The following DPP9 variants were observed in gnomAD, a reference collection of about 807,000 sequenced individuals.
DPP9 encodes dipeptidyl peptidase 9.
In DPP9, 50 loss-of-function variants were observed where a neutral mutation model predicts 110.7. The observed-to-expected ratio is 0.45, with a 90% CI of 0.36 to 0.57. The LOEUF is 0.57. Ranked by LOEUF, DPP9 falls within the 20% of genes least tolerant of loss-of-function variation. The pLI, the probability that DPP9 is intolerant of heterozygous loss-of-function variation, is 0.00. For missense variants in DPP9, 1,022 were observed against 1,217.9 expected (o/e 0.84, Z 2.39); for synonymous variants, 561 against 514.4 (o/e 1.09, Z -1.23).
rs2145784541 is a variant in DPP9, at chr19:4,705,930, AGAGT to A, written c.350_353del (p.Tyr117LeufsTer40). 1 of 1,611,444 alleles carries A rather than the reference AGAGT, an allele frequency of 6.2e-7. No individual in the cohort carries two copies. The highest frequency in any genetic ancestry group is 1.3e-5 in the African/African-American group (1 of 74,998). ...CTTTCCGGACCTTCTTGGGAATCTC[AGAGT>A]AGAGGAGGGAGTTCTCTCGGCTGCC... is the stretch of plus-strand genomic sequence containing the variant. On this transcript the variant is annotated frameshift_variant, in exon 5 of 22. Coordinates refer to ENST00000262960, the MANE Select transcript of DPP9 (RefSeq NM_139159.5). LOFTEE classifies it high-confidence loss of function.
intron 21 of DPP9, chr19:4,679,452 A>T (rs1027118333): frequency 1.7e-5 from 4 of 236,244 alleles, no homozygotes; most frequent in African/African-American, 9.2e-5. Flanking sequence ...GCGCCTTAGG[A>T]AGGAGCCTGC....
Position 4,684,032 on chromosome 19 carries a change from A to C in DPP9, c.2179-403T>G, listed in dbSNP as rs78543650. ...TGTCACTACCAGCCACATCCCCACC[A>C]CCGCCACTGCCACGATTTCAATGCT... is the stretch of plus-strand genomic sequence containing the variant. On this transcript the variant is annotated intron_variant, in intron 18 of 21. Coordinates refer to ENST00000262960, the MANE Select transcript of DPP9 (RefSeq NM_139159.5). The surrounding 1 kb of genome is among the most constrained non-coding windows in gnomAD (Gnocchi z 4.8). 1 of 371,204 alleles carries C rather than the reference A, an allele frequency of 2.7e-6. No homozygotes were observed. The highest frequency in any genetic ancestry group is 5.2e-6 in the Non-Finnish European group (1 of 191,580). The allele number at this position is 371,204 out of a possible 1,614,324, so 23.0% of individuals were successfully genotyped here.
Position 4,718,945 on chromosome 19 carries a change from C to T in DPP9, c.56+906G>A, listed in dbSNP as rs1365609631. Reference sequence around the variant, plus strand: ...TTTCATCTCGTGCCAGGCCCTGAGACATGGAGTTTACTGACTGCCCCGGGG... The same window carrying T: ...TTTCATCTCGTGCCAGGCCCTGAGATATGGAGTTTACTGACTGCCCCGGGG... On this transcript the variant is annotated intron_variant, in intron 3 of 21. Transcript: ENST00000262960. This position sits in a 1 kb window ranked among gnomAD's most constrained non-coding sequence, Gnocchi z 4.3. Among the ~76,000 whole-genome samples the T allele has an allele frequency of 6.6e-6, 1 of 152,122 alleles. No homozygotes were observed. The highest frequency in any genetic ancestry group is 6.6e-5 in the Admixed American group (1 of 15,262).
intron 13 of DPP9, among the ~76,000 whole-genome samples, chr19:4,692,279 T>G (rs974081246): frequency 2.6e-5 from 4 of 152,058 alleles, no homozygotes; most frequent in Non-Finnish European, 5.9e-5. Context: ...AGAAACACAC[T>G]GAGATGGTTT....
In DPP9 at chr19:4,704,241, C is replaced by T. The variant is rs1293666786; in HGVS notation, c.490G>A (p.Gly164Arg). 1.2e-6 allele frequency: 2 copies of T among 1,613,984 alleles called. No individual in the cohort carries two copies. The highest frequency in any genetic ancestry group is 3.3e-5 in the Admixed American group (2 of 60,030). The change falls in exon 6 of 22, where the codon GGG (glycine) becomes AGG (arginine). Residue 164 changes from glycine to arginine, a missense_variant. Gly to Arg is a moderately radical substitution (Grantham distance 125, BLOSUM62 -2). Transcript: ENST00000262960. The surrounding 1 kb of genome is among the most constrained non-coding windows in gnomAD (Gnocchi z 6.0). ...TCGTAGGAGGTGATGCCGAAGACCCCCAGGCGTTTCCGCTCCCTCAGCAGC... is the reference window on the plus strand; with the variant it reads ...TCGTAGGAGGTGATGCCGAAGACCCTCAGGCGTTTCCGCTCCCTCAGCAGC... The part of the protein sequence containing the change: ...EELLRERKRL[G>R]VFGITSYDFH...
chr19:4,722,674 C>G, intron 1 of DPP9, 123 bp from the exon 2 acceptor site: 1 of 666,392 alleles, frequency 1.5e-6, no homozygotes, highest in Non-Finnish European at 2.7e-6. Context: ...GATTCTAGCT[C>G]TGCCTTGAAG....
Position 4,693,828 on chromosome 19 carries a change from C to T in DPP9, c.1516+833G>A, listed in dbSNP as rs1308836602. Among the ~76,000 whole-genome samples the T allele has an allele frequency of 1.3e-5, 2 of 152,010 alleles. No homozygotes were observed. The highest frequency in any genetic ancestry group is 4.8e-5 in the African/African-American group (2 of 41,414). ...TTTTTCTCTCCCCACCCTCTCCTCC[C>T]TCTCTCCCCCTCCTCCCTGTGCTCC... On this transcript the variant is annotated intron_variant, in intron 13 of 21. Coordinates refer to ENST00000262960, the MANE Select transcript of DPP9 (RefSeq NM_139159.5). This position sits in a 1 kb window ranked among gnomAD's most constrained non-coding sequence, Gnocchi z 5.0.
In DPP9 at chr19:4,679,833, A is replaced by G; in HGVS notation, c.2586+2T>C. 1 of 1,602,794 alleles carries G rather than the reference A, an allele frequency of 6.2e-7. No homozygotes were observed. Among genetic ancestry groups the G allele is most frequent in the Non-Finnish European group, 8.5e-7 (1 of 1,174,540 alleles). ...GGGCCGAAGCCCCCAACAGCCACCCACCTGGAGCTGGTAAGGTTTCCCTGC... is the reference window on the plus strand; with the variant it reads ...GGGCCGAAGCCCCCAACAGCCACCCGCCTGGAGCTGGTAAGGTTTCCCTGC... On this transcript the variant is annotated splice_donor_variant, in intron 21 of 21. Coordinates refer to ENST00000262960, the MANE Select transcript of DPP9 (RefSeq NM_139159.5). LOFTEE classifies it high-confidence loss of function.
intron 13 of DPP9, among the ~76,000 whole-genome samples, chr19:4,692,793 A>G (rs2091442760): frequency 6.6e-6 from 1 of 152,136 alleles, no homozygotes; most frequent in Non-Finnish European, 1.5e-5. Context: ...GCGGTGGCTG[A>G]GCCAGCCAGA....
At position 4,685,735 on chromosome 19, in the gene DPP9, T is replaced by C. The variant is rs1325655803; in HGVS notation, c.1922A>G (p.His641Arg). Residue 641 changes from histidine (H) to arginine (R), a missense_variant, in exon 17 of 22, where the codon CAT becomes CGT. By Grantham distance (29) the His-to-Arg change is conservative. Transcript: ENST00000262960. This position sits in a 1 kb window ranked among gnomAD's most constrained non-coding sequence, Gnocchi z 5.8. ...PPDYVPPEIFHFHTRSDVRLY... is the reference protein window; with the variant it reads ...PPDYVPPEIFRFHTRSDVRLY... The stretch of plus-strand genomic sequence containing the variant: ...CCGCACATCCGAGCGCGTGTGGAAA[T>C]GGAAGATCTCTGGAGGAACATAATC... 6 of 1,613,196 alleles carry C rather than the reference T, an allele frequency of 3.7e-6. No individual in the cohort carries two copies. The highest frequency in any genetic ancestry group is 1.3e-5 in the African/African-American group (1 of 74,820).
rs569913582 is a variant in DPP9 at position 4,706,930 on chromosome 19, C to G, written c.314-960G>C. ...GGGCTGTCCTGACCACTGCGAGGCG[C>G]TGAGCAGCATCCCTGTCCTCCGCCC... On this transcript the variant is annotated intron_variant, in intron 4 of 21. Coordinates refer to ENST00000262960, the MANE Select transcript of DPP9 (RefSeq NM_139159.5). Among the ~76,000 whole-genome samples, 456 of 152,320 alleles carry G rather than the reference C, an allele frequency of 3.0e-3. 4 individuals are homozygous for G. Among genetic ancestry groups the G allele is most frequent in the African/African-American group, 0.01 (423 of 41,562 alleles).
chr19:4,702,158 T>C lies in DPP9; in HGVS notation c.884-3A>G, dbSNP rs755860155. 2 of 1,606,414 alleles carry C rather than the reference T, an allele frequency of 1.2e-6. No individual in the cohort carries two copies. The highest frequency in any genetic ancestry group is 3.4e-5 in the Admixed American group (2 of 59,216). ...CAGCGTCTTGAGGCCCTCTGAACCT[T>C]GGGTGGGGTGGTGGAAAAACTGCTG... is the stretch of plus-strand genomic sequence containing the variant. On this transcript the variant is annotated splice_region_variant and splice_polypyrimidine_tract_variant and intron_variant, in intron 8 of 21. Coordinates refer to ENST00000262960, the MANE Select transcript of DPP9 (RefSeq NM_139159.5).
At position 4,698,468 on chromosome 19, in the gene DPP9, G is replaced by A. The variant is rs545848650; in HGVS notation, c.1075-817C>T. ...CAAGGAGCCACTAAAACAGCCTGGC[G>A]GGGCCAGGTGCGGTGGCTCACACCT... On this transcript the variant is annotated intron_variant, in intron 10 of 21. Transcript: ENST00000262960. The surrounding 1 kb of genome is among the most constrained non-coding windows in gnomAD (Gnocchi z 4.2). Among the ~76,000 whole-genome samples, 3 of 152,302 alleles carry A rather than the reference G, an allele frequency of 2.0e-5. No individual in the cohort carries two copies. In the East Asian group the frequency reaches 5.8e-4, roughly 29 times the overall value.
At position 4,695,765 on chromosome 19, in the gene DPP9, AT is replaced by A. The variant is rs1482765613; in HGVS notation, c.1176-211del. Among the ~76,000 whole-genome samples, 1 of 152,168 alleles carries A rather than the reference AT, an allele frequency of 6.6e-6. No individual in the cohort carries two copies. On this transcript the variant is annotated intron_variant, in intron 11 of 21. Transcript: ENST00000262960. This position sits in a 1 kb window ranked among gnomAD's most constrained non-coding sequence, Gnocchi z 4.7. ...AGGGGAGGACAGGATGGGTGACAAG[AT>A]TTCATGATCCAAGTGTTCCGGAAAC... is the stretch of plus-strand genomic sequence containing the variant.
rs2090365680 is a variant in DPP9, at chr19:4,684,281, C to T, written c.2178+382G>A. 1 of 286,766 alleles carries T rather than the reference C, an allele frequency of 3.5e-6. No homozygotes were observed. The highest frequency in any genetic ancestry group is 1.3e-3 in the Middle Eastern group (1 of 792). The allele number at this position is 286,766 out of a possible 1,614,324, so 17.8% of individuals were successfully genotyped here. On this transcript the variant is annotated intron_variant, in intron 18 of 21. Transcript: ENST00000262960. The surrounding 1 kb of genome is among the most constrained non-coding windows in gnomAD (Gnocchi z 4.8). ...CAACCTCGTGGGAACAGAGAGCAGC[C>T]CTCCCCGACACAGCCCTGCCTTGGC...
chr19:4,684,854 AGGAC>A lies in DPP9; in HGVS notation c.2032-49_2032-46del, dbSNP rs1464358394. On this transcript the variant is annotated intron_variant, in intron 17 of 21. Transcript: ENST00000262960. The surrounding 1 kb of genome is among the most constrained non-coding windows in gnomAD (Gnocchi z 4.8). ...AGCAGTCCAGCACGAGATGCCGGGC[AGGAC>A]GGGCCTGGCAGGGGAGATGCCGGTG... 1 of 1,564,310 alleles carries A rather than the reference AGGAC, an allele frequency of 6.4e-7. No individual in the cohort carries two copies. Among genetic ancestry groups the A allele is most frequent in the African/African-American group, 1.4e-5 (1 of 73,774 alleles).
chr19:4,709,312 T>G (rs2092726165), intron 4 of DPP9, among the ~76,000 whole-genome samples: 1 of 152,072 alleles, frequency 6.6e-6, no homozygotes, highest in Admixed American at 6.6e-5. Context: ...AGCGCGCTTG[T>G]GAAGTACAGT....
chr19:4,697,602 A>T lies in DPP9; in HGVS notation c.1124T>A (p.Phe375Tyr), dbSNP rs1476068860. The change falls in exon 11 of 22, where the codon TTC becomes TAC. Residue 375 changes from phenylalanine (F) to tyrosine (Y), a missense_variant. Coordinates refer to ENST00000262960, the MANE Select transcript of DPP9 (RefSeq NM_139159.5). ...KELVQPFSSL[F>Y]PKVEYIARAG... ...CCTGGCGATGTACTCCACCTTCGGG[A>T]ACAGCGAGCTGAAGGGCTGCACCAG... is the stretch of plus-strand genomic sequence containing the variant. 1.2e-6 allele frequency: 2 copies of T among 1,613,760 alleles called. No individual in the cohort carries two copies. The highest frequency in any genetic ancestry group is 1.7e-6 in the Non-Finnish European group (2 of 1,179,856).
chr19:4,677,060 T>C (rs2088935424), intron 21 of DPP9, among the ~76,000 whole-genome samples: 2 of 152,132 alleles, frequency 1.3e-5, no homozygotes, highest in Non-Finnish European at 2.9e-5. Flanking sequence ...CCATTTCCAC[T>C]TTACCAAAAG....
Sources: gnomAD v4.1 joint callset for allele counts (sites outside exome capture counted in the v4.1 genomes callset) on GRCh38, gnomAD v4.1.1 for gene constraint, Gnocchi (gnomAD v3.1) non-coding constraint, MANE v1.5 for transcripts, NCBI Gene and HGNC (gene_info 2026-07-23, HGNC 2026-07-21) for gene names.